The following RIIAD1 variants were observed in gnomAD, a reference collection of about 807,000 sequenced individuals.
RIIAD1 encodes the protein RIIa domain-containing protein 1.
In RIIAD1, 15 loss-of-function variants were observed where a neutral mutation model predicts 13.3. The ratio of observed to expected loss-of-function variants is 1.13; its 90% CI spans 0.76 to 1.74. The LOEUF (loss-of-function observed/expected upper bound fraction) is 1.74, where lower values mean the gene tolerates loss of function less well. Ranked by LOEUF, RIIAD1 falls within the 40% of genes most tolerant of loss-of-function variation. The pLI is 0.00. For missense variants in RIIAD1, 121 were observed against 112.2 expected (o/e 1.08, Z -0.35); for synonymous variants, 50 against 43.3 (o/e 1.16, Z -0.61).
exon 3 of RIIAD1, chr1:151,713,520 A>G (rs1489365624): frequency 1.3e-5 from 2 of 152,204 alleles, no homozygotes; most frequent in Non-Finnish European, 2.9e-5. Flanking sequence ...ATGGAGATGA[A>G]AACTGTTGAT....
rs539867472 is a variant in RIIAD1, at chr1:151,729,768, C to T, written c.*338C>T. The T allele has an allele frequency of 6.6e-6, 1 of 152,368 alleles. No individual in the cohort carries two copies. Among genetic ancestry groups the T allele is most frequent in the East Asian group, 1.9e-4 (1 of 5,192 alleles). 9.4% of individuals were successfully genotyped at this position (152,368 alleles called of 1,614,324 possible). A position where few individuals can be genotyped will look rare whatever the true frequency, so the allele number is the denominator to read the frequency against. On this transcript the variant is annotated 3_prime_UTR_variant, in exon 5 of 5. Transcript: ENST00000479191. The stretch of plus-strand genomic sequence containing the variant: ...TCGTGCCCACCCCCTGGGAAGAACA[C>T]AGCTGATCACGGGGGCACAGAAACA...
upstream of RIIAD1, chr1:151,719,626 A>C: frequency 1.4e-6 from 1 of 702,888 alleles, no homozygotes; most frequent in Admixed American, 2.0e-5. Flanking sequence ...AATTTATGAG[A>C]GTGCACAAAG....
rs566092464 is a variant in RIIAD1 at position 151,728,105 on chromosome 1, T to C, written c.208+484T>C. Among the ~76,000 whole-genome samples, 14 of 152,336 alleles carry C rather than the reference T, an allele frequency of 9.2e-5. No homozygotes were observed. The East Asian group carries it at 2.3e-3, about 25-fold the overall frequency. On this transcript the variant is annotated intron_variant, in intron 3 of 4. Coordinates refer to ENST00000479191, the MANE Select transcript of RIIAD1 (RefSeq NM_001144956.3). The stretch of plus-strand genomic sequence containing the variant: ...CGGTATTTAGAGGGAAAGGGATGGA[T>C]TGGACGATTTCTTGGTTCCTGTTAG...
intron 2 of RIIAD1, among the ~76,000 whole-genome samples, chr1:151,725,052 C>T (rs1204722657): frequency 1.3e-5 from 2 of 151,710 alleles, no homozygotes; most frequent in African/African-American, 2.4e-5. Context: ...TCATGATCCA[C>T]CTGCCTGGGC....
upstream of RIIAD1, chr1:151,716,716 G>T (rs1304393412): frequency 2.2e-6 from 1 of 446,892 alleles, no homozygotes; most frequent in Admixed American, 2.5e-5. Context: ...GCTGCTGCCG[G>T]CTGCTCCCGC....
chr1:151,714,780 T>A (rs1673329888), intron 4 of RIIAD1: 2 of 809,844 alleles, frequency 2.5e-6, no homozygotes, highest in African/African-American at 3.4e-5. Context: ...AGCTTTCCCT[T>A]CTTGTCATCT....
intron 3 of RIIAD1, 175 bp from the exon 4 acceptor site, chr1:151,728,591 G>A: frequency 1.7e-6 from 1 of 593,712 alleles, no homozygotes; most frequent in Admixed American, 2.7e-5. Context: ...AACTGCTCGG[G>A]TGGGGGCAGT....
intron 2 of RIIAD1, among the ~76,000 whole-genome samples, chr1:151,725,998 T>C (rs774705504): frequency 1.3e-5 from 2 of 152,228 alleles, no homozygotes; most frequent in Non-Finnish European, 1.5e-5. Flanking sequence ...GGACTCAAGA[T>C]AGAAAGGTGT....
At chr1:151,719,326 T>C (rs899166926), upstream of RIIAD1, among the ~76,000 whole-genome samples, 1 of 152,094 alleles carries the variant, frequency 6.6e-6, no homozygotes, top group Non-Finnish European at 1.5e-5. Flanking sequence ...AGTTTCTCTC[T>C]AGGAGAGAGA....
chr1:151,722,051 C>T, intron 1 of RIIAD1, 35 bp from the exon 2 acceptor site: 1 of 1,444,570 alleles, frequency 6.9e-7, no homozygotes, highest in South Asian at 1.2e-5. Context: ...GAATCTGTCT[C>T]CTAATGGAAG....
Position 151,721,531 on chromosome 1 carries a change from A to T in RIIAD1, c.-6A>T, listed in dbSNP as rs887509300. The T allele has an allele frequency of 7.6e-7, 1 of 1,319,770 alleles. No individual in the cohort carries two copies. Among genetic ancestry groups the T allele is most frequent in the African/African-American group, 1.5e-5 (1 of 64,946 alleles). 81.8% of individuals were successfully genotyped at this position (1,319,770 alleles called of 1,614,324 possible). ...CGCGGCCGGTCGCCTTGACGACCGC[A>T]GCAAGATGGAGACGCTGCCAGGCTT... On this transcript the variant is annotated 5_prime_UTR_variant, in exon 1 of 5. Coordinates refer to ENST00000479191, the MANE Select transcript of RIIAD1 (RefSeq NM_001144956.3).
chr1:151,715,519 C>G (rs888460660), intron 4 of RIIAD1: 2 of 861,374 alleles, frequency 2.3e-6, no homozygotes, highest in African/African-American at 1.7e-5. Context: ...TCTTGCTGCA[C>G]ACGCACACAC....
At chr1:151,716,858 A>T (rs1017449983), upstream of RIIAD1, 12 of 447,684 alleles carry the variant, frequency 2.7e-5, no homozygotes, top group African/African-American at 8.5e-5. Context: ...GACATCAGTG[A>T]TGTCAGTCTC....
upstream of RIIAD1, among the ~76,000 whole-genome samples, chr1:151,720,409 T>A (rs1183232676): frequency 6.6e-6 from 1 of 152,024 alleles, no homozygotes; most frequent in Admixed American, 6.6e-5. Flanking sequence ...CTATTAACTC[T>A]CTCTCTTAAA....
intron 1 of RIIAD1, 55 bp from the exon 2 acceptor site, chr1:151,722,031 G>A: frequency 7.7e-7 from 1 of 1,292,214 alleles, no homozygotes; most frequent in Non-Finnish European, 1.1e-6. Context: ...CATCTCCAGG[G>A]CTGAACCCTG....
At chr1:151,714,179 A>G (rs1673262471) in intron 3 of RIIAD1, among the ~76,000 whole-genome samples, 1 of 151,284 alleles carries the variant, frequency 6.6e-6, no homozygotes, top group East Asian at 2.0e-4. Flanking sequence ...TTCTCTGGGC[A>G]CTCCTCCCTC....
At chr1:151,724,676 T>G (rs1275064647) in intron 2 of RIIAD1, among the ~76,000 whole-genome samples, 1 of 152,224 alleles carries the variant, frequency 6.6e-6, no homozygotes, top group Non-Finnish European at 1.5e-5. Flanking sequence ...TACCAAACTC[T>G]TAACACCTTG....
intron 2 of RIIAD1, among the ~76,000 whole-genome samples, chr1:151,725,107 CTT>C (rs71759600): frequency 3.4e-4 from 29 of 84,658 alleles, no homozygotes; most frequent in East Asian, 1.3e-3. Flanking sequence ...CGCACCTCGC[CTT>C]TTTTTTTTTT....
upstream of RIIAD1, among the ~76,000 whole-genome samples, chr1:151,721,265 G>A (rs1350668759): frequency 6.6e-6 from 1 of 152,152 alleles, no homozygotes; most frequent in African/African-American, 2.4e-5. Flanking sequence ...CTTTTTTCCT[G>A]TTTTACTCTA....
Sources: gnomAD v4.1 joint callset for allele counts (sites outside exome capture counted in the v4.1 genomes callset) on GRCh38, gnomAD v4.1.1 for gene constraint, MANE v1.5 for transcripts, NCBI Gene and HGNC (gene_info 2026-07-23, HGNC 2026-07-21) for gene names.